Variants in SLC28A3 observed in about 807,000 individuals in gnomAD.
SLC28A3 encodes solute carrier family 28 member 3, also known as concentrative Na(+)-nucleoside cotransporter 3.
A neutral mutation model predicts 84.2 loss-of-function variants in SLC28A3; 68 were observed. The ratio of observed to expected loss-of-function variants is 0.81; its 90% CI spans 0.66 to 0.99. The LOEUF is 0.99. SLC28A3 is among the 50% of genes least tolerant of loss of function. The pLI, the probability that SLC28A3 is intolerant of heterozygous loss-of-function variation, is 0.00. For synonymous variants in SLC28A3, 267 were observed against 303.6 expected, an observed-to-expected ratio of 0.88 and a Z score of 1.25; for missense variants, 712 against 841.5, an observed-to-expected ratio of 0.85 and a Z score of 1.90.
chr9:84,355,491 C>T, the SLC28A3 span, among the ~76,000 whole-genome samples: 3 of 152,166 alleles, frequency 2.0e-5, no homozygotes, highest in Non-Finnish European at 4.4e-5. Context: ...ATTTACTATA[C>T]ATGGGTCCAC....
At chr9:84,331,492 C>T (rs896501847) in intron 1 of SLC28A3, among the ~76,000 whole-genome samples, 1 of 152,192 alleles carries the variant, frequency 6.6e-6, no homozygotes, top group Non-Finnish European at 1.5e-5. Flanking sequence ...CATGATCTCC[C>T]AAATTGTAAA....
the SLC28A3 span, among the ~76,000 whole-genome samples, chr9:84,359,954 A>G: frequency 6.7e-6 from 1 of 149,450 alleles, no homozygotes; most frequent in African/African-American, 2.5e-5. Flanking sequence ...ATGAGCCAAT[A>G]TGGCACCACT....
intron 1 of SLC28A3, among the ~76,000 whole-genome samples, chr9:84,336,485 C>T (rs1371738069): frequency 1.3e-5 from 2 of 152,140 alleles, no homozygotes; most frequent in Admixed American, 6.5e-5. Context: ...GTCTGGGCGA[C>T]AGGGTGAGAC....
chr9:84,317,916 C>T (rs990064365), intron 1 of SLC28A3, among the ~76,000 whole-genome samples: 76 of 152,184 alleles, frequency 5.0e-4, no homozygotes, highest in African/African-American at 1.8e-3. Flanking sequence ...TGAATCTGAT[C>T]TCTCAAAATT....
chr9:84,340,919 T>C (rs139381497), upstream of SLC28A3, among the ~76,000 whole-genome samples: 2 of 151,902 alleles, frequency 1.3e-5, no homozygotes, highest in East Asian at 1.9e-4. Flanking sequence ...TTTGCACTCC[T>C]GGGGAGAAAA....
chr9:84,302,161 A>G, intron 5 of SLC28A3, 39 bp downstream of exon 5: 2 of 1,592,268 alleles, frequency 1.3e-6, no homozygotes, highest in Non-Finnish European at 1.7e-6. Context: ...AAGGACTACT[A>G]TCTCTCTTAA....
intron 12 of SLC28A3, among the ~76,000 whole-genome samples, chr9:84,287,776 C>T (rs1825054135): frequency 1.3e-5 from 2 of 152,018 alleles, no homozygotes; most frequent in African/African-American, 4.8e-5. Context: ...ATAACTTGAG[C>T]CTGGGATGTT....
At chr9:84,302,443 T>TA in intron 4 of SLC28A3, 54 bp from the exon 5 acceptor site, 1 of 1,562,516 alleles carries the variant, frequency 6.4e-7, no homozygotes, top group Non-Finnish European at 8.7e-7. Flanking sequence ...GGGACACGCC[T>TA]CCAGGCTCCA....
intron 5 of SLC28A3, among the ~76,000 whole-genome samples, chr9:84,301,359 A>G (rs949855370): frequency 6.6e-6 from 1 of 150,518 alleles, no homozygotes; most frequent in African/African-American, 2.4e-5. Flanking sequence ...CAAAAAAAAA[A>G]AAAAAAAAAA....
intron 15 of SLC28A3, 68 bp from the exon 16 acceptor site, chr9:84,280,141 A>AC: frequency 2.7e-6 from 4 of 1,483,378 alleles, no homozygotes; most frequent in Non-Finnish European, 3.7e-6. Context: ...TAGCCTCTGA[A>AC]AATTGTTCTG....
rs780917335 is a variant in SLC28A3 at position 84,280,025 on chromosome 9, C to G, written c.1778G>C (p.Arg593Thr). ...GGCCACGGTCCCCGCAATCAGAGCT[C>G]TCACTGCCCCCGAGGCGATATCACG... ...RKRDIASGAVRALIAGTVACF... is the reference protein window; with the variant it reads ...RKRDIASGAVTALIAGTVACF... Residue 593 changes from arginine (R) to threonine (T), a missense_variant, in exon 16 of 18, where the codon AGA (arginine) becomes ACA (threonine). Transcript: ENST00000376238. The G allele has an allele frequency of 2.5e-6, 4 of 1,613,890 alleles. No homozygotes were observed. The African/African-American group carries it at 4.0e-5, about 16-fold the overall frequency.
chr9:84,286,503 T>G (rs1588564018), intron 12 of SLC28A3, among the ~76,000 whole-genome samples: 1 of 146,072 alleles, frequency 6.8e-6, no homozygotes, highest in South Asian at 2.3e-4. Flanking sequence ...CACAGGCTGG[T>G]CTTGAACTTC....
At chr9:84,346,650 G>A in the SLC28A3 span, among the ~76,000 whole-genome samples, 1 of 152,156 alleles carries the variant, frequency 6.6e-6, no homozygotes, top group Non-Finnish European at 1.5e-5. Context: ...ATCCAAGAGG[G>A]GAAAAAGGAA....
At chr9:84,362,973 A>C in the SLC28A3 span, among the ~76,000 whole-genome samples, 2 of 152,182 alleles carry the variant, frequency 1.3e-5, no homozygotes, top group Non-Finnish European at 2.9e-5. Flanking sequence ...ATATTTTTGG[A>C]TGTCTGGAAT....
At chr9:84,322,309 T>G (rs1469856060) in intron 1 of SLC28A3, among the ~76,000 whole-genome samples, 1 of 152,212 alleles carries the variant, frequency 6.6e-6, no homozygotes, top group African/African-American at 2.4e-5. Context: ...TAATGACACC[T>G]TCATCTTGGA....
intron 8 of SLC28A3, among the ~76,000 whole-genome samples, chr9:84,294,597 T>A (rs990636419): frequency 8.5e-5 from 13 of 152,180 alleles, no homozygotes; most frequent in African/African-American, 2.4e-4. Context: ...TAAAAAGACA[T>A]GGGCTTCACC....
At chr9:84,341,470 C>G (rs182203645), upstream of SLC28A3, among the ~76,000 whole-genome samples, 144 of 152,198 alleles carry the variant, frequency 9.5e-4, no homozygotes, top group African/African-American at 3.5e-3. Context: ...AGGTAAGGGT[C>G]TTGGCTCTTC....
chr9:84,299,958 A>C (rs575693889), intron 5 of SLC28A3, among the ~76,000 whole-genome samples: 2 of 152,188 alleles, frequency 1.3e-5, no homozygotes, highest in East Asian at 3.9e-4. Flanking sequence ...ACCCCTGGCT[A>C]ATTTTTGTAT....
rs113255763 is a variant in SLC28A3, at chr9:84,308,264, G to A, written c.242+1365C>T. 3.0e-3 allele frequency among the ~76,000 whole-genome samples: 456 copies of A among 151,534 alleles called. 1 individual carries two copies. The highest frequency in any genetic ancestry group is 0.011 in the African/African-American group (439 of 41,362). Reference sequence around the variant, plus strand: ...TAGATTTAAATTAAAATATATTTCTGGCCGGGCGTGGTGGCTCACACCTGT... The same window carrying A: ...TAGATTTAAATTAAAATATATTTCTAGCCGGGCGTGGTGGCTCACACCTGT... On this transcript the variant is annotated intron_variant, in intron 3 of 17. Transcript: ENST00000376238.
Sources: gnomAD v4.1 joint callset for allele counts (sites outside exome capture counted in the v4.1 genomes callset) on GRCh38, gnomAD v4.1.1 for gene constraint, MANE v1.5 for transcripts, NCBI Gene and HGNC (gene_info 2026-07-23, HGNC 2026-07-21) for gene names.